Variants in EPM2A observed in about 807,000 individuals in gnomAD.
The protein encoded by EPM2A is EPM2A glucan phosphatase, laforin.
In EPM2A, 21 loss-of-function variants were observed where a neutral mutation model predicts 26.5. That is an observed-to-expected ratio of 0.79 (90% CI 0.56 to 1.14). The LOEUF is 1.14. Among genes scored for constraint, EPM2A ranks in the 50% most tolerant of loss-of-function variants. The probability of loss-of-function intolerance (pLI) is 0.00; values close to 1 mark genes in which losing one functional copy is unlikely to be tolerated. For missense variants in EPM2A, 458 were observed against 440.8 expected, an observed-to-expected ratio of 1.04 and a Z score of -0.35; for synonymous variants, 217 against 177.6, an observed-to-expected ratio of 1.22 and a Z score of -1.76.
At chr6:145,629,655 G>A (rs1319507122) in intron 3 of EPM2A, 1 of 152,370 alleles carries the variant, frequency 6.6e-6, no homozygotes, top group African/African-American at 2.4e-5. Context: ...TCCAGGGAAA[G>A]CTGGGTGGGA....
intron 2 of EPM2A, among the ~76,000 whole-genome samples, chr6:145,592,167 C>G (rs537982259): frequency 9.6e-5 from 11 of 114,342 alleles, no homozygotes; most frequent in Non-Finnish European, 1.7e-4. Context: ...CCCCTCCCCC[C>G]ACCCCATGAC....
chr6:145,545,774 C>T (rs73562894), intron 2 of EPM2A, among the ~76,000 whole-genome samples: 2,159 of 152,252 alleles, frequency 0.014, 43 homozygotes, highest in African/African-American at 0.049. Flanking sequence ...TACTTCCCAG[C>T]TCCAGCCATA....
chr6:145,694,843 A>C (rs1781481686), intron 1 of EPM2A, among the ~76,000 whole-genome samples: 1 of 152,130 alleles, frequency 6.6e-6, no homozygotes, highest in East Asian at 1.9e-4. Context: ...CTAGAGTGGA[A>C]GGAGAGAATA....
chr6:145,650,718 A>G (rs1777828037), intron 2 of EPM2A, among the ~76,000 whole-genome samples: 1 of 152,130 alleles, frequency 6.6e-6, no homozygotes, highest in Non-Finnish European at 1.5e-5. Flanking sequence ...TCCATATCTA[A>G]TCAGTGGTTA....
At chr6:145,678,963 C>T (rs977153652) in intron 2 of EPM2A, among the ~76,000 whole-genome samples, 33 of 152,204 alleles carry the variant, frequency 2.2e-4, no homozygotes, top group Middle Eastern at 3.4e-3. Flanking sequence ...ATATTTATTG[C>T]GGCATTATTC....
chr6:145,735,223 C>A lies in EPM2A; in HGVS notation c.276G>T (p.Glu92Asp), dbSNP rs766208204. The A allele has an allele frequency of 2.0e-6, 3 of 1,536,084 alleles. No homozygotes were observed. In the South Asian group the frequency reaches 3.6e-5, roughly 19 times the overall value. The change falls in exon 1 of 4, where the codon GAG (glutamate) becomes GAT (aspartate). Residue 92 changes from glutamate to aspartate, a missense_variant. Physicochemically the swap from Glu to Asp is conservative, Grantham distance 45. Coordinates refer to ENST00000367519, the MANE Select transcript of EPM2A (RefSeq NM_005670.4). ...DTFWYKFLKR[E>D]PGGELSWEGN... Reference sequence around the variant, plus strand: ...CTTCCCAGGAGAGCTCTCCTCCCGGCTCCCGCTTCAGGAACTTGTACCAGA... The same window carrying A: ...CTTCCCAGGAGAGCTCTCCTCCCGGATCCCGCTTCAGGAACTTGTACCAGA...
intron 2 of EPM2A, among the ~76,000 whole-genome samples, chr6:145,664,628 C>T (rs1308011240): frequency 2.6e-5 from 4 of 151,722 alleles, no homozygotes; most frequent in African/African-American, 7.3e-5. Flanking sequence ...AACAAGGATA[C>T]CCAGGAATTG....
At chr6:145,558,135 T>C (rs563458272) in intron 2 of EPM2A, among the ~76,000 whole-genome samples, 11 of 152,124 alleles carry the variant, frequency 7.2e-5, no homozygotes, top group Non-Finnish European at 1.3e-4. Context: ...TATTCTATTA[T>C]TTATATATAC....
intron 1 of EPM2A, among the ~76,000 whole-genome samples, chr6:145,732,200 C>CT (rs1450166555): frequency 1.2e-5 from 1 of 82,034 alleles, no homozygotes; most frequent in African/African-American, 5.4e-5. Flanking sequence ...ACAGCTAAGA[C>CT]TTGTGTGTGT....
chr6:145,714,076 G>A (rs1452151669), intron 1 of EPM2A, among the ~76,000 whole-genome samples: 2 of 152,196 alleles, frequency 1.3e-5, no homozygotes, highest in Non-Finnish European at 2.9e-5. Flanking sequence ...TGAGGATAGG[G>A]AAGGGAGGAA....
intron 2 of EPM2A, among the ~76,000 whole-genome samples, chr6:145,508,603 T>C (rs921142460): frequency 1.3e-5 from 2 of 151,768 alleles, no homozygotes; most frequent in African/African-American, 4.8e-5. Flanking sequence ...ATCAAAACAA[T>C]AGCAAATTAA....
chr6:145,471,357 A>G (rs890818448), intron 4 of EPM2A, among the ~76,000 whole-genome samples: 1 of 152,098 alleles, frequency 6.6e-6, no homozygotes, highest in Non-Finnish European at 1.5e-5. Context: ...GTGGAATAGA[A>G]AGCTCCACCT....
chr6:145,671,155 A>C, intron 2 of EPM2A: 5 of 1,005,784 alleles, frequency 5.0e-6, no homozygotes, highest in Non-Finnish European at 5.9e-6. Flanking sequence ...ACTCCAAAAA[A>C]GATTCTTGTC....
At chr6:145,655,721 G>A (rs1005648466) in intron 2 of EPM2A, among the ~76,000 whole-genome samples, 18 of 151,948 alleles carry the variant, frequency 1.2e-4, no homozygotes, top group African/African-American at 4.1e-4. Flanking sequence ...AATATTTTGT[G>A]TGTTTTTTTC....
At chr6:145,662,987 T>A (rs757747244) in intron 2 of EPM2A, among the ~76,000 whole-genome samples, 6 of 152,172 alleles carry the variant, frequency 3.9e-5, no homozygotes, top group Non-Finnish European at 5.9e-5. Flanking sequence ...TGACTTCCTA[T>A]TTAATGCAAC....
At chr6:145,630,897 T>C (rs1776201109) in intron 3 of EPM2A, 1 of 152,170 alleles carries the variant, frequency 6.6e-6, no homozygotes, top group African/African-American at 2.4e-5. Flanking sequence ...TTGCCCAAGG[T>C]TATTCCTTAA....
At chr6:145,584,889 T>A (rs901969746) in intron 2 of EPM2A, among the ~76,000 whole-genome samples, 3 of 152,188 alleles carry the variant, frequency 2.0e-5, no homozygotes, top group African/African-American at 4.8e-5. Context: ...GAGATGTCCC[T>A]CCGGGCTGCA....
At chr6:145,701,869 C>T (rs562447416) in intron 1 of EPM2A, among the ~76,000 whole-genome samples, 2 of 152,216 alleles carry the variant, frequency 1.3e-5, no homozygotes, top group African/African-American at 2.4e-5. Flanking sequence ...AAAGTAGAAG[C>T]ATTTTAATGT....
chr6:145,681,191 T>G (rs1182092271), intron 2 of EPM2A, among the ~76,000 whole-genome samples: 1 of 149,964 alleles, frequency 6.7e-6, no homozygotes, highest in African/African-American at 2.4e-5. Context: ...AAATGTCTTC[T>G]TTTGAGAAGT....
Sources: allele counts gnomAD v4.1 joint callset (sites outside exome capture counted in the v4.1 genomes callset), GRCh38; gene constraint gnomAD v4.1.1; transcripts MANE v1.5; gene names NCBI Gene and HGNC (gene_info 2026-07-23, HGNC 2026-07-21).